Variants in ANKRD11 observed in about 807,000 individuals in gnomAD.
ANKRD11 encodes ankyrin repeat domain 11.
ANKRD11 carries 17 observed loss-of-function variants against 195.7 expected under a neutral mutation model. The ratio of observed to expected loss-of-function variants is 0.09; its 90% CI spans 0.06 to 0.13. ANKRD11 has a LOEUF of 0.13. Among genes scored for constraint, ANKRD11 ranks in the 10% least tolerant of loss-of-function variants. The pLI, the probability that ANKRD11 is intolerant of heterozygous loss-of-function variation, is 1.00. For synonymous variants in ANKRD11, 1,953 were observed against 1,528.1 expected (o/e 1.28, Z -6.49); for missense variants, 3,735 against 3,566.1 (o/e 1.05, Z -1.21).
In ANKRD11 at chr16:89,284,895, G is replaced by A. The variant is rs761557650; in HGVS notation, c.1647C>T (p.Asp549=). 5.6e-6 allele frequency: 9 copies of A among 1,614,166 alleles called. No individual in the cohort carries two copies. The highest frequency in any genetic ancestry group is 7.6e-6 in the Non-Finnish European group (9 of 1,180,034). The part of the protein sequence containing the change: ...TDQHTKHWRT[D]NWKTISSPAW... ...CCGGGGAAGAAATGGTTTTCCAATT[G>A]TCTGTCCGCCAGTGCTTGGTGTGCT... Residue 549 remains aspartate, a synonymous_variant, in exon 9 of 13, where the codon GAC becomes GAT. Transcript: ENST00000301030.
At chr16:89,437,348 T>G (rs926028258) in intron 1 of ANKRD11, among the ~76,000 whole-genome samples, 29 of 152,224 alleles carry the variant, frequency 1.9e-4, no homozygotes, top group Admixed American at 1.9e-3. Flanking sequence ...TGCCCCAACA[T>G]CTGTTTTCTT....
At chr16:89,411,491 A>G (rs1160675965) in intron 2 of ANKRD11, among the ~76,000 whole-genome samples, 3 of 152,098 alleles carry the variant, frequency 2.0e-5, no homozygotes, top group Non-Finnish European at 4.4e-5. Context: ...ATAGCTCACT[A>G]CAACCTCTGC....
intron 2 of ANKRD11, among the ~76,000 whole-genome samples, chr16:89,356,337 C>T (rs1057322999): frequency 1.3e-4 from 20 of 150,452 alleles, no homozygotes; most frequent in Non-Finnish European, 5.9e-5. Flanking sequence ...GCAAGCCATC[C>T]GCTGAGGTGA....
rs2036999046 is a variant in ANKRD11, at chr16:89,316,993, T to C, written c.27A>G (p.Ala9=). The C allele has an allele frequency of 6.2e-7, 1 of 1,613,822 alleles. No homozygotes were observed. The highest frequency in any genetic ancestry group is 1.3e-5 in the African/African-American group (1 of 75,044). Residue 9 remains alanine, a synonymous_variant, in exon 3 of 13, where the codon GCA becomes GCG. Transcript: ENST00000301030. Reference sequence around the variant, plus strand: ...TGAGGGGAAGCTCTTCCTGCTGTGGTGCTTTAGGGCACCCACCCTTGGGCA... The same window carrying C: ...TGAGGGGAAGCTCTTCCTGCTGTGGCGCTTTAGGGCACCCACCCTTGGGCA... MPKGGCPK[A]PQQEELPLSS...
intron 2 of ANKRD11, among the ~76,000 whole-genome samples, chr16:89,351,395 G>C (rs914795126): frequency 1.4e-4 from 21 of 152,202 alleles, no homozygotes; most frequent in Admixed American, 3.9e-4. Context: ...ATACTGAGCA[G>C]GTGGCTGACT....
At chr16:89,425,823 G>C (rs552102332) in intron 1 of ANKRD11, among the ~76,000 whole-genome samples, 4 of 152,138 alleles carry the variant, frequency 2.6e-5, no homozygotes, top group African/African-American at 9.7e-5. Flanking sequence ...AGCCTGAGGA[G>C]GAACTAGAAG....
intron 2 of ANKRD11, among the ~76,000 whole-genome samples, chr16:89,328,166 C>T (rs75998744): frequency 0.012 from 1,888 of 152,152 alleles, 36 homozygotes; most frequent in African/African-American, 0.042. Context: ...TTACTGCACA[C>T]CAATCGGAAC....
intron 3 of ANKRD11, chr16:89,313,644 T>C (rs1280522708): frequency 1.6e-6 from 2 of 1,273,126 alleles, no homozygotes; most frequent in African/African-American, 3.1e-5. Flanking sequence ...AAAGGGAGTT[T>C]ATGGTAGAAG....
At chr16:89,455,249 T>A (rs28736483) in intron 1 of ANKRD11, among the ~76,000 whole-genome samples, 1 of 146,716 alleles carries the variant, frequency 6.8e-6, no homozygotes, top group Non-Finnish European at 1.5e-5. Flanking sequence ...TGGGTGCTGT[T>A]AGGCTTCCTC....
In ANKRD11 at chr16:89,313,386, GGATTCCGT is replaced by G. The variant is rs776345045; in HGVS notation, c.87+3539_87+3546del. On this transcript the variant is annotated intron_variant, in intron 3 of 12. Transcript: ENST00000301030. ...TTCCCGAGGCAGCTCAGCGGTTCTG[GGATTCCGT>G]GGTCGGCAATGGTGAGAGACCGTCT... is the stretch of plus-strand genomic sequence containing the variant. 8.6e-4 allele frequency: 1,113 copies of G among 1,288,356 alleles called. 1 individual carries two copies. The highest frequency in any genetic ancestry group is 8.9e-4 in the Non-Finnish European group (883 of 988,704). The allele number at this position is 1,288,356 out of a possible 1,614,324, so 79.8% of individuals were successfully genotyped here.
intron 2 of ANKRD11, among the ~76,000 whole-genome samples, chr16:89,322,895 G>C (rs1238419044): frequency 6.6e-6 from 1 of 152,354 alleles, no homozygotes; most frequent in South Asian, 2.1e-4. Flanking sequence ...CCAGGCTGGA[G>C]TGCAGCGGTG....
chr16:89,339,041 G>A (rs1161737059), intron 2 of ANKRD11, among the ~76,000 whole-genome samples: 1 of 152,134 alleles, frequency 6.6e-6, no homozygotes, highest in Non-Finnish European at 1.5e-5. Flanking sequence ...ATCTGCTCGT[G>A]ACCTGAGTCT....
At chr16:89,381,444 T>C (rs1429855279) in intron 2 of ANKRD11, among the ~76,000 whole-genome samples, 1 of 151,892 alleles carries the variant, frequency 6.6e-6, no homozygotes, top group East Asian at 1.9e-4. Context: ...TTAGGGTTAT[T>C]GTATAAGGAG....
intron 4 of ANKRD11, chr16:89,301,004 G>A (rs775528962): frequency 1.1e-5 from 7 of 630,218 alleles, no homozygotes; most frequent in African/African-American, 3.7e-5. Context: ...AGACGAAGGC[G>A]CAGGAGAAAC....
chr16:89,410,223 G>C (rs916267318), intron 2 of ANKRD11, among the ~76,000 whole-genome samples: 4 of 152,170 alleles, frequency 2.6e-5, no homozygotes, highest in Non-Finnish European at 5.9e-5. Flanking sequence ...TGCCAACCCG[G>C]TGGGTACGGC....
chr16:89,490,124 C>CA (rs375904840), intron 1 of ANKRD11, 121 bp downstream of exon 1: 3,229 of 147,638 alleles, frequency 0.022, 80 homozygotes, highest in East Asian at 0.15. Flanking sequence ...CCCGACCCCC[C>CA]AGGCCCGCCC....
chr16:89,449,965 C>T (rs1477467026), intron 1 of ANKRD11, among the ~76,000 whole-genome samples: 1 of 152,172 alleles, frequency 6.6e-6, no homozygotes, highest in Non-Finnish European at 1.5e-5. Flanking sequence ...TGAGGGAGCC[C>T]TTCCTAAGCA....
intron 1 of ANKRD11, among the ~76,000 whole-genome samples, chr16:89,478,084 C>T (rs967678124): frequency 6.6e-6 from 1 of 152,148 alleles, no homozygotes; most frequent in Non-Finnish European, 1.5e-5. Context: ...AAAACAATGG[C>T]TTAATGAGAG....
chr16:89,329,178 G>C (rs182365092), intron 2 of ANKRD11, among the ~76,000 whole-genome samples: 4 of 152,210 alleles, frequency 2.6e-5, no homozygotes, highest in Non-Finnish European at 5.9e-5. Context: ...GGAAACAGGC[G>C]GGGACTCCGT....
Sources: allele counts gnomAD v4.1 joint callset (sites outside exome capture counted in the v4.1 genomes callset), GRCh38; gene constraint gnomAD v4.1.1; transcripts MANE v1.5; gene names NCBI Gene and HGNC (gene_info 2026-07-23, HGNC 2026-07-21).